EPHA5: variants seen among roughly 807,000 people sequenced by gnomAD.
EPHA5 encodes the protein ephrin type-A receptor 5.
A neutral mutation model predicts 105.0 loss-of-function variants in EPHA5; 60 were observed. The ratio of observed to expected loss-of-function variants is 0.57; its 90% CI spans 0.46 to 0.71. The LOEUF (loss-of-function observed/expected upper bound fraction) is 0.71, where lower values mean the gene tolerates loss of function less well. Ranked by LOEUF, EPHA5 falls within the 30% of genes least tolerant of loss-of-function variation. The probability of loss-of-function intolerance (pLI) is 0.00; values close to 1 mark genes in which losing one functional copy is unlikely to be tolerated. For synonymous variants in EPHA5, 513 were observed against 449.1 expected (o/e 1.14, Z -1.80); for missense variants, 1,218 against 1,274.7 (o/e 0.96, Z 0.68).
At chr4:65,541,507 G>A (rs1006684656) in intron 3 of EPHA5, among the ~76,000 whole-genome samples, 1 of 151,604 alleles carries the variant, frequency 6.6e-6, no homozygotes, top group Non-Finnish European at 1.5e-5. Flanking sequence ...ACAAAGAAGG[G>A]CATTACATAA....
intron 2 of EPHA5, among the ~76,000 whole-genome samples, chr4:65,604,423 G>A (rs1189221118): frequency 6.6e-6 from 1 of 152,154 alleles, no homozygotes; most frequent in Non-Finnish European, 1.5e-5. Context: ...CTGTCATGGT[G>A]AGATTTTATT....
At chr4:65,455,914 A>G (rs1163513158) in intron 5 of EPHA5, among the ~76,000 whole-genome samples, 1 of 152,220 alleles carries the variant, frequency 6.6e-6, no homozygotes, top group Non-Finnish European at 1.5e-5. Flanking sequence ...ACAAAAACTG[A>G]GTCCCAAACT....
chr4:65,549,566 AG>A (rs1477408833), intron 3 of EPHA5, among the ~76,000 whole-genome samples: 10 of 152,218 alleles, frequency 6.6e-5, no homozygotes, highest in Non-Finnish European at 1.5e-5. Context: ...TTCTAGAAAG[AG>A]GGTTAAAGTA....
intron 3 of EPHA5, among the ~76,000 whole-genome samples, chr4:65,552,042 T>A (rs375074082): frequency 1.3e-5 from 2 of 152,320 alleles, no homozygotes; most frequent in African/African-American, 4.8e-5. Flanking sequence ...CGATTATTTC[T>A]ACCTGTTTCC....
At chr4:65,449,437 C>T (rs1010885971) in intron 5 of EPHA5, among the ~76,000 whole-genome samples, 2 of 152,064 alleles carry the variant, frequency 1.3e-5, no homozygotes, top group African/African-American at 4.8e-5. Flanking sequence ...AAATTTAATT[C>T]TATGTATCTG....
chr4:65,502,726 C>T (rs980715514), intron 3 of EPHA5, among the ~76,000 whole-genome samples: 4 of 151,758 alleles, frequency 2.6e-5, no homozygotes, highest in African/African-American at 7.3e-5. Flanking sequence ...TATTACTCAA[C>T]CCAGTGATTC....
intron 3 of EPHA5, among the ~76,000 whole-genome samples, chr4:65,505,104 T>C (rs1732875363): frequency 6.6e-6 from 1 of 152,032 alleles, no homozygotes; most frequent in African/African-American, 2.4e-5. Flanking sequence ...TCATCACAAA[T>C]TTTAATTAGA....
chr4:65,359,642 G>T (rs1029425190), intron 11 of EPHA5, among the ~76,000 whole-genome samples: 7 of 151,374 alleles, frequency 4.6e-5, no homozygotes, highest in African/African-American at 1.7e-4. Context: ...TCACAAGAAG[G>T]TTTACTGTGA....
At chr4:65,476,401 C>A (rs1419431774) in intron 5 of EPHA5, among the ~76,000 whole-genome samples, 4 of 151,824 alleles carry the variant, frequency 2.6e-5, no homozygotes, top group African/African-American at 9.7e-5. Flanking sequence ...CACTACACAG[C>A]CACAAAAAAA....
intron 2 of EPHA5, among the ~76,000 whole-genome samples, chr4:65,639,593 T>C (rs1000177881): frequency 1.3e-5 from 2 of 152,192 alleles, no homozygotes; most frequent in African/African-American, 4.8e-5. Flanking sequence ...CTGCTTATGT[T>C]TGCTGAGTTT....
At chr4:65,558,856 G>A (rs1012730591) in intron 3 of EPHA5, among the ~76,000 whole-genome samples, 3 of 152,072 alleles carry the variant, frequency 2.0e-5, no homozygotes, top group Non-Finnish European at 4.4e-5. Flanking sequence ...CTTGCCCAAA[G>A]CAAATTTCTC....
intron 5 of EPHA5, among the ~76,000 whole-genome samples, chr4:65,482,713 C>G (rs1369513647): frequency 6.6e-6 from 1 of 152,154 alleles, no homozygotes. Flanking sequence ...AATTAATTTA[C>G]TTACCCCATG....
intron 5 of EPHA5, among the ~76,000 whole-genome samples, chr4:65,454,008 C>T (rs1403257838): frequency 1.3e-5 from 2 of 152,112 alleles, no homozygotes; most frequent in Non-Finnish European, 2.9e-5. Flanking sequence ...GGGCCAGGCA[C>T]GGTGGCTCAC....
At chr4:65,627,920 A>T (rs190634319) in intron 2 of EPHA5, among the ~76,000 whole-genome samples, 1 of 152,298 alleles carries the variant, frequency 6.6e-6, no homozygotes, top group Non-Finnish European at 1.5e-5. Context: ...AACTATGTGT[A>T]TTAAAAATAA....
chr4:65,562,440 G>T (rs574642552), intron 3 of EPHA5, among the ~76,000 whole-genome samples: 1 of 151,738 alleles, frequency 6.6e-6, no homozygotes, highest in East Asian at 1.9e-4. Context: ...CATGTTTTAG[G>T]GGAAAAAAGA....
intron 5 of EPHA5, among the ~76,000 whole-genome samples, chr4:65,431,568 A>G (rs1157252106): frequency 6.6e-6 from 1 of 151,992 alleles, no homozygotes; most frequent in Non-Finnish European, 1.5e-5. Flanking sequence ...AAAAAGTGCT[A>G]CTGGCAATTC....
chr4:65,366,043 C>A lies in EPHA5; in HGVS notation c.1876G>T (p.Val626Leu). 6.3e-7 allele frequency: 1 copy of A among 1,597,536 alleles called. No homozygotes were observed. The highest frequency in any genetic ancestry group is 8.6e-7 in the Non-Finnish European group (1 of 1,168,272). The change falls in exon 10 of 17, where the codon GTA (valine) becomes TTA (leucine). Residue 626 changes from valine to leucine, a missense_variant. Val to Leu is a conservative substitution (Grantham distance 32). This residue lies in a region of EPHA5 where 971 missense variants were observed against 1,013.5 expected (regional missense o/e 0.96). Transcript: ENST00000613740. Reference sequence around the variant, plus strand: ...GTATGTGGATCAATGTAAGTTCTTACTCCTGGCAGTTTAACTGTAAATATA... The same window carrying A: ...GTATGTGGATCAATGTAAGTTCTTAATCCTGGCAGTTTAACTGTAAATATA... ...FHNGHIKLPG[V>L]RTYIDPHTYE...
intron 5 of EPHA5, among the ~76,000 whole-genome samples, chr4:65,422,941 T>C (rs1323600151): frequency 6.6e-6 from 1 of 152,116 alleles, no homozygotes; most frequent in Non-Finnish European, 1.5e-5. Flanking sequence ...TAGATTATTA[T>C]CAATTAAAGT....
Position 65,530,257 on chromosome 4 carries a change from A to G in EPHA5, c.911-34714T>C, listed in dbSNP as rs1226869441. On this transcript the variant is annotated intron_variant, in intron 3 of 16. Coordinates refer to ENST00000613740, the MANE Select transcript of EPHA5 (RefSeq NM_001281766.3). ...AACATAATCTTGGCTCAGGTGAAAT[A>G]AAGAGATTACCAGAGCATAGATTTA... is the stretch of plus-strand genomic sequence containing the variant. Among the ~76,000 whole-genome samples the G allele has an allele frequency of 4.6e-5, 7 of 152,328 alleles. No homozygotes were observed. In the East Asian group the frequency reaches 1.2e-3, roughly 25 times the overall value.
Sources: allele counts gnomAD v4.1 joint callset (sites outside exome capture counted in the v4.1 genomes callset), GRCh38; gene constraint gnomAD v4.1.1; regional missense constraint gnomAD v4.1.1; transcripts MANE v1.5; gene names NCBI Gene and HGNC (gene_info 2026-07-23, HGNC 2026-07-21).